The following MAPRE1 variants were observed in gnomAD, a reference collection of about 807,000 sequenced individuals.
MAPRE1 encodes microtubule associated protein RP/EB family member 1, also known as microtubule-associated protein RP/EB family member 1.
In MAPRE1, 5 loss-of-function variants were observed where a neutral mutation model predicts 32.1. The observed-to-expected ratio is 0.16, with a 90% CI of 0.08 to 0.33. The LOEUF (loss-of-function observed/expected upper bound fraction) is 0.33, where lower values mean the gene tolerates loss of function less well. Among genes scored for constraint, MAPRE1 ranks in the 10% least tolerant of loss-of-function variants. MAPRE1 has a pLI of 1.00. For synonymous variants in MAPRE1, 122 were observed against 118.9 expected, an observed-to-expected ratio of 1.03 and a Z score of -0.17; for missense variants, 209 against 327.2, an observed-to-expected ratio of 0.64 and a Z score of 2.79.
chr20:32,826,844 T>C (rs1982868067), intron 2 of MAPRE1, among the ~76,000 whole-genome samples: 1 of 151,960 alleles, frequency 6.6e-6, no homozygotes, highest in Non-Finnish European at 1.5e-5. Flanking sequence ...AAGAGTGTGC[T>C]CTGGCCTGCA....
At chr20:32,825,700 CAGG>C (rs997237214) in intron 1 of MAPRE1, among the ~76,000 whole-genome samples, 48 of 152,186 alleles carry the variant, frequency 3.2e-4, no homozygotes, top group African/African-American at 1.1e-3. Context: ...GAGGCTGAGG[CAGG>C]AGAATTACTT....
intron 2 of MAPRE1, among the ~76,000 whole-genome samples, chr20:32,827,458 CTCTT>C (rs1982888824): frequency 6.6e-6 from 1 of 151,968 alleles, no homozygotes; most frequent in South Asian, 2.1e-4. Context: ...AAAACATGGT[CTCTT>C]TCTATGTATG....
At chr20:32,820,182 C>T (rs1412373731) in intron 1 of MAPRE1, among the ~76,000 whole-genome samples, 154 bp downstream of exon 1, 6 of 140,882 alleles carry the variant, frequency 4.3e-5, no homozygotes, top group African/African-American at 1.4e-4. Flanking sequence ...GGCCGTCACC[C>T]GGCGCGCGCG....
intron 5 of MAPRE1, 53 bp downstream of exon 5, chr20:32,839,909 C>T (rs551823494): frequency 8.7e-5 from 140 of 1,606,502 alleles, no homozygotes; most frequent in Non-Finnish European, 1.0e-4. Context: ...AGGATCCTTG[C>T]GGTGGCCAGG....
intron 4 of MAPRE1, 66 bp from the exon 5 acceptor site, chr20:32,839,669 T>G: frequency 6.3e-7 from 1 of 1,594,154 alleles, no homozygotes; most frequent in Non-Finnish European, 8.5e-7. Flanking sequence ...CCATGTTGTC[T>G]TGTGGATTTT....
chr20:32,831,664 C>G (rs913139191), intron 2 of MAPRE1, among the ~76,000 whole-genome samples: 6 of 151,642 alleles, frequency 4.0e-5, no homozygotes, highest in Non-Finnish European at 7.4e-5. Context: ...TCCCAAGCAG[C>G]TGGGACTACA....
Position 32,825,920 on chromosome 20 carries a change from T to G in MAPRE1, c.-3-5T>G. 3.2e-6 allele frequency: 5 copies of G among 1,583,738 alleles called. No individual in the cohort carries two copies. Among genetic ancestry groups the G allele is most frequent in the Non-Finnish European group, 4.3e-6 (5 of 1,156,574 alleles). ...AGGCCCTTCTCTTTTCTTCCCATGC[T>G]TTAGAAGATGGCAGTGAACGTATAC... On this transcript the variant is annotated splice_polypyrimidine_tract_variant and splice_region_variant and intron_variant, in intron 1 of 6. Transcript: ENST00000375571.
chr20:32,844,216 G>T (rs1326229380), intron 5 of MAPRE1, among the ~76,000 whole-genome samples: 1 of 152,086 alleles, frequency 6.6e-6, no homozygotes, highest in Non-Finnish European at 1.5e-5. Flanking sequence ...GTGAAAGCCA[G>T]TGTCTTAGTA....
intron 2 of MAPRE1, among the ~76,000 whole-genome samples, chr20:32,830,812 C>A (rs922177455): frequency 6.6e-6 from 1 of 151,788 alleles, no homozygotes; most frequent in Admixed American, 6.6e-5. Flanking sequence ...GCAAGCTCCA[C>A]CTCCCAGGTT....
intron 5 of MAPRE1, among the ~76,000 whole-genome samples, chr20:32,840,065 C>CA (rs1296505368): frequency 2.2e-4 from 34 of 152,204 alleles, no homozygotes; most frequent in Admixed American, 2.2e-3. Flanking sequence ...CTTAGTGTGG[C>CA]AGAAGCCTGT....
chr20:32,848,192 A>G (rs965035190), intron 6 of MAPRE1, among the ~76,000 whole-genome samples: 3 of 151,028 alleles, frequency 2.0e-5, no homozygotes, highest in Admixed American at 2.0e-4. Flanking sequence ...GACTACAGGC[A>G]TGTCCCACCA....
At position 32,846,622 on chromosome 20, in the gene MAPRE1, A is replaced by G. The variant is rs41289870; in HGVS notation, c.602A>G (p.Asn201Ser). ...CCTTTTTAATGTCTTGTGCAGGTCA[A>G]CGTATTGAAACTTACTGTTGAAGAC... is the stretch of plus-strand genomic sequence containing the variant. ...DEAAELMQQV[N>S]VLKLTVEDLE... The change falls in exon 6 of 7, where the codon AAC (asparagine) becomes AGC (serine). Residue 201 changes from asparagine (N) to serine (S), a missense_variant. This residue lies in a region of MAPRE1 where 106 missense variants were observed against 115.3 expected (regional missense o/e 0.92). Transcript: ENST00000375571. 2.4e-5 allele frequency: 39 copies of G among 1,614,022 alleles called. No homozygotes were observed. The East Asian group carries it at 2.5e-4, about 10-fold the overall frequency.
chr20:32,841,105 C>T (rs1057464303), intron 5 of MAPRE1, among the ~76,000 whole-genome samples: 7 of 152,236 alleles, frequency 4.6e-5, no homozygotes, highest in African/African-American at 1.4e-4. Context: ...TGAACCACTG[C>T]GCCTGGCCCA....
At chr20:32,822,479 G>C (rs1568874566) in intron 1 of MAPRE1, among the ~76,000 whole-genome samples, 1 of 152,196 alleles carries the variant, frequency 6.6e-6, no homozygotes, top group Non-Finnish European at 1.5e-5. Flanking sequence ...GTGCAAGATG[G>C]TGCTGGCAGG....
chr20:32,834,587 T>C (rs112920931), intron 3 of MAPRE1, among the ~76,000 whole-genome samples: 2,362 of 152,230 alleles, frequency 0.016, 53 homozygotes, highest in African/African-American at 0.054. Flanking sequence ...CCCCCAATTA[T>C]CTTGCTGGTG....
At chr20:32,830,864 C>T (rs949931333) in intron 2 of MAPRE1, among the ~76,000 whole-genome samples, 2 of 151,970 alleles carry the variant, frequency 1.3e-5, no homozygotes, top group African/African-American at 4.8e-5. Context: ...GCTGGGACTA[C>T]AGGCGCCCGC....
intron 4 of MAPRE1, among the ~76,000 whole-genome samples, chr20:32,837,431 CTG>C: frequency 6.6e-6 from 1 of 152,090 alleles, no homozygotes; most frequent in Admixed American, 6.6e-5. Context: ...AGGGGAGAGG[CTG>C]ATTTTACATA....
intron 4 of MAPRE1, among the ~76,000 whole-genome samples, chr20:32,839,371 A>T (rs1983290492): frequency 6.6e-6 from 1 of 152,168 alleles, no homozygotes; most frequent in South Asian, 2.1e-4. Context: ...ACATGAAACA[A>T]CCTGTTTGTG....
chr20:32,827,756 C>T (rs897230941), intron 2 of MAPRE1, among the ~76,000 whole-genome samples: 1 of 151,642 alleles, frequency 6.6e-6, no homozygotes, highest in Admixed American at 6.6e-5. Context: ...ATTAGCCAGG[C>T]TTGGTGGCAC....
Sources: allele counts gnomAD v4.1 joint callset (sites outside exome capture counted in the v4.1 genomes callset), GRCh38; gene constraint gnomAD v4.1.1; regional missense constraint gnomAD v4.1.1; transcripts MANE v1.5; gene names NCBI Gene and HGNC (gene_info 2026-07-23, HGNC 2026-07-21).